The following CNTNAP4 variants were observed in gnomAD, a reference collection of about 807,000 sequenced individuals.
The protein encoded by CNTNAP4 is contactin associated protein family member 4, also known as contactin-associated protein-like 4.
Under a neutral mutation model 148.4 loss-of-function variants are expected in CNTNAP4, and 98 were observed. That is an observed-to-expected ratio of 0.66 (90% CI 0.56 to 0.78). The LOEUF (loss-of-function observed/expected upper bound fraction) is 0.78. Among genes scored for constraint, CNTNAP4 ranks in the 30% least tolerant of loss-of-function variants. The probability of loss-of-function intolerance (pLI) is 0.00; values close to 1 mark genes in which losing one functional copy is unlikely to be tolerated. For missense variants in CNTNAP4, 1,935 were observed against 1,565.6 expected (o/e 1.24, Z -3.98); for synonymous variants, 730 against 565.1 (o/e 1.29, Z -4.14).
Position 76,426,686 on chromosome 16 carries a change from T to A in CNTNAP4, c.391-766T>A, listed in dbSNP as rs145844195. On this transcript the variant is annotated intron_variant, in intron 3 of 23. Coordinates refer to ENST00000611870, the MANE Select transcript of CNTNAP4 (RefSeq NM_033401.5). ...AGAAACATAGCTCCTGGCCCTACCA[T>A]GTAATGGTTGCAATGGTTGCAAACA... Among the ~76,000 whole-genome samples the A allele has an allele frequency of 4.0e-3, 600 of 151,446 alleles. 2 individuals are homozygous for A. Among genetic ancestry groups the A allele is most frequent in the Non-Finnish European group, 6.8e-3 (458 of 67,690 alleles).
chr16:76,513,384 C>T (rs7190150), intron 15 of CNTNAP4, among the ~76,000 whole-genome samples: 2,927 of 152,080 alleles, frequency 0.019, 40 homozygotes, highest in Middle Eastern at 0.072. Flanking sequence ...ATAGTGTGAT[C>T]GCAGAGGAGC....
chr16:76,449,480 G>A (rs963147564), intron 6 of CNTNAP4, among the ~76,000 whole-genome samples: 2 of 151,956 alleles, frequency 1.3e-5, no homozygotes, highest in Admixed American at 6.5e-5. Context: ...ATTTTTCATC[G>A]ACCAGTGAAT....
chr16:76,402,153 G>A (rs556302269), intron 3 of CNTNAP4, among the ~76,000 whole-genome samples: 94 of 152,288 alleles, frequency 6.2e-4, no homozygotes, highest in African/African-American at 2.1e-3. Context: ...GTAGAATTGA[G>A]CTGTGAATCC....
intron 12 of CNTNAP4, among the ~76,000 whole-genome samples, chr16:76,488,581 G>T (rs561685248): frequency 1.3e-5 from 2 of 152,092 alleles, no homozygotes; most frequent in African/African-American, 4.8e-5. Context: ...AAAAGAGAGG[G>T]GAAAGTTTTG....
chr16:76,485,165 T>A (rs2081983952), intron 12 of CNTNAP4, among the ~76,000 whole-genome samples: 1 of 152,224 alleles, frequency 6.6e-6, no homozygotes, highest in Non-Finnish European at 1.5e-5. Context: ...TTGCCCAGGC[T>A]GGAGTGCAAT....
At chr16:76,447,719 T>G (rs1368996701) in intron 4 of CNTNAP4, among the ~76,000 whole-genome samples, 1 of 152,230 alleles carries the variant, frequency 6.6e-6, no homozygotes, top group Non-Finnish European at 1.5e-5. Context: ...GTTTTTGTGT[T>G]AGATGATTTT....
chr16:76,384,447 G>C (rs1199190926), intron 3 of CNTNAP4, among the ~76,000 whole-genome samples: 2 of 152,188 alleles, frequency 1.3e-5, no homozygotes, highest in Non-Finnish European at 2.9e-5. Context: ...AGAATGCGAA[G>C]TTGGTTGCCT....
chr16:76,294,816 A>G (rs1189500131), intron 1 of CNTNAP4, among the ~76,000 whole-genome samples: 2 of 152,198 alleles, frequency 1.3e-5, no homozygotes, highest in Admixed American at 6.5e-5. Context: ...CTTCAGCACC[A>G]GTTTTCTTGA....
chr16:76,394,564 T>C (rs1597406497), intron 3 of CNTNAP4, among the ~76,000 whole-genome samples: 1 of 152,194 alleles, frequency 6.6e-6, no homozygotes, highest in African/African-American at 2.4e-5. Flanking sequence ...AGTAGGCTTT[T>C]TTCCCCCTTC....
At chr16:76,376,907 T>TGTGTGTG (rs2015471306) in intron 3 of CNTNAP4, among the ~76,000 whole-genome samples, 171 of 143,544 alleles carry the variant, frequency 1.2e-3, no homozygotes, top group African/African-American at 4.1e-3. Context: ...CTAACAAGGT[T>TGTGTGTG]TGTGTGTGTG....
At chr16:76,541,105 G>A (rs983256275) in intron 21 of CNTNAP4, among the ~76,000 whole-genome samples, 2 of 152,122 alleles carry the variant, frequency 1.3e-5, no homozygotes, top group Non-Finnish European at 2.9e-5. Context: ...AAATAACAAA[G>A]TATGTATTAA....
At chr16:76,483,741 GA>G (rs927821153) in intron 12 of CNTNAP4, among the ~76,000 whole-genome samples, 1 of 152,150 alleles carries the variant, frequency 6.6e-6, no homozygotes, top group Non-Finnish European at 1.5e-5. Context: ...GCTGAAACAG[GA>G]AAACAATGTT....
At chr16:76,353,995 T>C (rs752538992) in intron 2 of CNTNAP4, among the ~76,000 whole-genome samples, 1 of 152,192 alleles carries the variant, frequency 6.6e-6, no homozygotes, top group Non-Finnish European at 1.5e-5. Flanking sequence ...GAATAATGCT[T>C]GAATCAAAAC....
At chr16:76,457,775 CTTAT>C (rs774592388) in intron 8 of CNTNAP4, among the ~76,000 whole-genome samples, 1 of 151,116 alleles carries the variant, frequency 6.6e-6, no homozygotes, top group African/African-American at 2.4e-5. Flanking sequence ...TATTTTATGT[CTTAT>C]TTATTTGTTA....
At chr16:76,498,033 A>G (rs1449015608) in intron 14 of CNTNAP4, among the ~76,000 whole-genome samples, 2 of 152,180 alleles carry the variant, frequency 1.3e-5, no homozygotes, top group Admixed American at 1.3e-4. Flanking sequence ...ACTGTGTTCT[A>G]TTTTTAACAT....
intron 7 of CNTNAP4, among the ~76,000 whole-genome samples, chr16:76,451,145 G>T (rs1458418485): frequency 1.3e-5 from 2 of 152,178 alleles, no homozygotes; most frequent in African/African-American, 4.8e-5. Flanking sequence ...AGGAGAGCAA[G>T]GACAGACTGG....
chr16:76,516,224 A>G (rs540784165), intron 15 of CNTNAP4, among the ~76,000 whole-genome samples: 1 of 151,766 alleles, frequency 6.6e-6, no homozygotes, highest in Non-Finnish European at 1.5e-5. Context: ...TAGTGTGCTG[A>G]GACTAATGGT....
chr16:76,380,377 T>C (rs1388797709), intron 3 of CNTNAP4, among the ~76,000 whole-genome samples: 2 of 152,190 alleles, frequency 1.3e-5, no homozygotes, highest in East Asian at 3.9e-4. Flanking sequence ...AATCAGTCTC[T>C]CAGTCTCATT....
At chr16:76,320,051 C>A (rs932852374) in intron 2 of CNTNAP4, among the ~76,000 whole-genome samples, 2 of 152,258 alleles carry the variant, frequency 1.3e-5, no homozygotes, top group East Asian at 1.9e-4. Context: ...AATTTTGAGG[C>A]ACTTGATAGA....
Sources: gnomAD v4.1 joint callset for allele counts (sites outside exome capture counted in the v4.1 genomes callset) on GRCh38, gnomAD v4.1.1 for gene constraint, MANE v1.5 for transcripts, NCBI Gene and HGNC (gene_info 2026-07-23, HGNC 2026-07-21) for gene names.